Variants in SMCO2 observed in about 807,000 individuals in gnomAD.
SMCO2 encodes single-pass membrane protein with coiled-coil domains 2.
Under a neutral mutation model 29.5 loss-of-function variants are expected in SMCO2, and 25 were observed. The ratio of observed to expected loss-of-function variants is 0.85; its 90% CI spans 0.62 to 1.18. SMCO2 has a LOEUF of 1.18. Ranked by LOEUF, SMCO2 falls within the 50% of genes most tolerant of loss-of-function variation. The pLI, the probability that SMCO2 is intolerant of heterozygous loss-of-function variation, is 0.00. For synonymous variants in SMCO2, 117 were observed against 123.3 expected, an observed-to-expected ratio of 0.95 and a Z score of 0.34; for missense variants, 348 against 344.5, an observed-to-expected ratio of 1.01 and a Z score of -0.08.
chr12:27,438,496 A>G, the SMCO2 span, among the ~76,000 whole-genome samples: 1 of 152,126 alleles, frequency 6.6e-6, no homozygotes, highest in East Asian at 1.9e-4. Context: ...TTCTTCCCTA[A>G]CCTGCTTTTC....
At chr12:27,488,527 G>C (rs1949708297) in exon 5 of SMCO2, 2 of 1,540,410 alleles carry the variant, frequency 1.3e-6, no homozygotes, top group Non-Finnish European at 1.8e-6. Context: ...CCTTGACCTT[G>C]ATCAAGGGAC....
At position 27,501,822 on chromosome 12, in the gene SMCO2, C is replaced by T. The variant is rs1943082076; in HGVS notation, c.684-101C>T. The T allele has an allele frequency of 4.7e-6, 4 of 857,326 alleles. No homozygotes were observed. In the Admixed American group the frequency reaches 1.4e-4, roughly 29 times the overall value. 53.1% of individuals were successfully genotyped at this position (857,326 alleles called of 1,614,324 possible). A position where few individuals can be genotyped will look rare whatever the true frequency, so the allele number is the denominator to read the frequency against. On this transcript the variant is annotated intron_variant, in intron 7 of 7. Coordinates refer to ENST00000298876, the Ensembl canonical transcript of SMCO2. ...GTAAACTGAAGTCAAGAGAAAATTA[C>T]TTAGTTGAAGTTTTAGAGCTACCTG...
the SMCO2 span, among the ~76,000 whole-genome samples, chr12:27,460,430 C>T: frequency 1.3e-5 from 2 of 152,052 alleles, no homozygotes; most frequent in South Asian, 2.1e-4. Context: ...GTATTATATA[C>T]CATATTTTTA....
intron 4 of SMCO2, among the ~76,000 whole-genome samples, chr12:27,486,405 AAC>A (rs1949689696): frequency 6.6e-6 from 1 of 152,222 alleles, no homozygotes; most frequent in Non-Finnish European, 1.5e-5. Flanking sequence ...AACTTGAAGT[AAC>A]TATAGATCCC....
At chr12:27,463,286 C>T (rs534165212), upstream of SMCO2, among the ~76,000 whole-genome samples, 2 of 152,266 alleles carry the variant, frequency 1.3e-5, no homozygotes, top group East Asian at 3.9e-4. Context: ...TTTTTTGAGA[C>T]AGAGTCTCGC....
chr12:27,490,871 G>T (rs1454940065), intron 5 of SMCO2, among the ~76,000 whole-genome samples: 2 of 152,140 alleles, frequency 1.3e-5, no homozygotes, highest in Admixed American at 1.3e-4. Flanking sequence ...GGAGGTCAAG[G>T]CTGCAGTGAG....
At chr12:27,449,409 C>T in the SMCO2 span, among the ~76,000 whole-genome samples, 1 of 152,216 alleles carries the variant, frequency 6.6e-6, no homozygotes, top group South Asian at 2.1e-4. Context: ...GACATACTTT[C>T]TCAATTATAC....
At chr12:27,456,943 C>T in the SMCO2 span, among the ~76,000 whole-genome samples, 441 of 152,316 alleles carry the variant, frequency 2.9e-3, 2 homozygotes, top group African/African-American at 0.01. Flanking sequence ...ACAAACCCTA[C>T]TGTGAATTGT....
the SMCO2 span, among the ~76,000 whole-genome samples, chr12:27,461,578 G>C: frequency 2.0e-5 from 3 of 152,172 alleles, no homozygotes; most frequent in Non-Finnish European, 2.9e-5. Context: ...AGAACCCACG[G>C]ATAAGGAGAG....
chr12:27,493,563 A>G (rs913487535), intron 5 of SMCO2, among the ~76,000 whole-genome samples: 2 of 152,018 alleles, frequency 1.3e-5, no homozygotes, highest in Admixed American at 6.6e-5. Context: ...TATAAGTGTC[A>G]TCTTTGGAAC....
intron 1 of SMCO2, 70 bp from the exon 2 acceptor site, chr12:27,470,552 T>G: frequency 6.7e-7 from 1 of 1,490,092 alleles, no homozygotes; most frequent in Non-Finnish European, 9.0e-7. Context: ...GTTAGTCTGG[T>G]GTCAATGAAG....
intron 7 of SMCO2, among the ~76,000 whole-genome samples, chr12:27,499,511 G>A (rs1592221872): frequency 1.3e-5 from 2 of 150,594 alleles, no homozygotes; most frequent in South Asian, 4.2e-4. Context: ...TTAGATAGTG[G>A]TGATGGTTGT....
the SMCO2 span, among the ~76,000 whole-genome samples, chr12:27,435,544 T>TCTC: frequency 5.2e-4 from 76 of 145,208 alleles, no homozygotes; most frequent in African/African-American, 1.9e-3. Flanking sequence ...TCTCTCTCTC[T>TCTC]CCCCCCCATC....
intron 4 of SMCO2, among the ~76,000 whole-genome samples, chr12:27,484,518 T>C (rs751566287): frequency 6.6e-6 from 1 of 152,234 alleles, no homozygotes; most frequent in Non-Finnish European, 1.5e-5. Flanking sequence ...CTGACATTTT[T>C]TTCTCAGTAC....
intron 4 of SMCO2, 55 bp downstream of exon 4, chr12:27,474,968 A>G: frequency 5.2e-6 from 8 of 1,526,936 alleles, no homozygotes; most frequent in Non-Finnish European, 7.0e-6. Flanking sequence ...AGGGGAAAAT[A>G]GAATTTAAGC....
At chr12:27,455,590 C>A in the SMCO2 span, among the ~76,000 whole-genome samples, 2 of 152,146 alleles carry the variant, frequency 1.3e-5, no homozygotes, top group African/African-American at 4.8e-5. Flanking sequence ...CTTGCCCCAC[C>A]AAATCTACGT....
At chr12:27,490,754 A>T (rs1949728830) in intron 5 of SMCO2, among the ~76,000 whole-genome samples, 2 of 151,974 alleles carry the variant, frequency 1.3e-5, no homozygotes, top group Non-Finnish European at 2.9e-5. Context: ...ACATAGCGAG[A>T]CCCCTATCTC....
chr12:27,498,035 G>T (rs1329407999), intron 7 of SMCO2: 3 of 281,672 alleles, frequency 1.1e-5, no homozygotes, highest in Non-Finnish European at 2.1e-5. Flanking sequence ...GTGATCCATG[G>T]ACAAATTGAA....
chr12:27,470,106 T>C (rs1180306721), intron 1 of SMCO2, among the ~76,000 whole-genome samples: 3 of 152,234 alleles, frequency 2.0e-5, no homozygotes, highest in Non-Finnish European at 1.5e-5. Context: ...AATAACCTAG[T>C]TGTCAACAAT....
Sources: allele counts gnomAD v4.1 joint callset (sites outside exome capture counted in the v4.1 genomes callset), GRCh38; gene constraint gnomAD v4.1.1; transcripts MANE v1.5; gene names NCBI Gene and HGNC (gene_info 2026-07-23, HGNC 2026-07-21).